PTPRK: variants seen among roughly 807,000 people sequenced by gnomAD.
PTPRK encodes the protein receptor-type tyrosine-protein phosphatase kappa.
A neutral mutation model predicts 178.0 loss-of-function variants in PTPRK; 75 were observed. The ratio of observed to expected loss-of-function variants is 0.42; its 90% CI spans 0.35 to 0.51. The LOEUF is 0.51. Ranked by LOEUF, PTPRK falls within the 20% of genes least tolerant of loss-of-function variation. PTPRK has a pLI of 0.02. For missense variants in PTPRK, 1,441 were observed against 1,797.8 expected (o/e 0.80, Z 3.59); for synonymous variants, 637 against 620.6 (o/e 1.03, Z -0.39).
intron 1 of PTPRK, among the ~76,000 whole-genome samples, chr6:128,408,401 C>A (rs2326682): frequency 0.97 from 147,556 of 152,180 alleles, 71,671 homozygotes; most frequent in East Asian, 1. Context: ...AACAAACAAA[C>A]AAAAACTACC....
At chr6:128,145,871 T>C (rs1419377226) in intron 7 of PTPRK, among the ~76,000 whole-genome samples, 1 of 152,196 alleles carries the variant, frequency 6.6e-6, no homozygotes, top group African/African-American at 2.4e-5. Context: ...TAACTGATTT[T>C]TATCAAATTA....
intron 1 of PTPRK, among the ~76,000 whole-genome samples, chr6:128,436,777 G>A (rs544647504): frequency 7.2e-5 from 11 of 152,224 alleles, no homozygotes; most frequent in African/African-American, 2.6e-4. Context: ...TTTGCTTTGA[G>A]TTATCTAAAT....
intron 4 of PTPRK, chr6:128,241,391 A>G: frequency 3.0e-5 from 15 of 491,896 alleles, no homozygotes; most frequent in South Asian, 2.3e-4. Context: ...GGGAAGAGCC[A>G]AGCAATCTGT....
chr6:128,154,781 T>C (rs1797740811), intron 7 of PTPRK, among the ~76,000 whole-genome samples: 1 of 151,792 alleles, frequency 6.6e-6, no homozygotes, highest in African/African-American at 2.4e-5. Flanking sequence ...TGATGAAAGA[T>C]GAAAATACAG....
At position 127,982,861 on chromosome 6, in the gene PTPRK, A is replaced by C. The variant is rs773771131; in HGVS notation, c.3507T>G (p.Thr1169=). The C allele has an allele frequency of 1.3e-5, 21 of 1,610,634 alleles. No individual in the cohort carries two copies. In the Admixed American group the frequency reaches 3.2e-4, roughly 25 times the overall value. The change falls in exon 24 of 30, where the codon ACT becomes ACG. Residue 1169 remains threonine (T), a synonymous_variant. Coordinates refer to ENST00000368226, the MANE Select transcript of PTPRK (RefSeq NM_002844.4). ...YFDMIRIDSQ[T]NSSHLKDEFQ... is the part of the protein sequence containing the mutation. ...ATTCATCCTTGAGATGTGAAGAGTTAGTCTGGGAGTCTATTCTAATCATAT... is the reference window on the plus strand; with the variant it reads ...ATTCATCCTTGAGATGTGAAGAGTTCGTCTGGGAGTCTATTCTAATCATAT...
intron 13 of PTPRK, among the ~76,000 whole-genome samples, chr6:128,026,936 G>A (rs1030885449): frequency 2.6e-5 from 4 of 152,040 alleles, no homozygotes; most frequent in African/African-American, 9.7e-5. Context: ...AGTCTAGTAG[G>A]GGAGGTAGGC....
At chr6:128,025,085 G>T (rs1312682384) in intron 13 of PTPRK, among the ~76,000 whole-genome samples, 1 of 152,172 alleles carries the variant, frequency 6.6e-6, no homozygotes, top group African/African-American at 2.4e-5. Context: ...GAAAGAATTT[G>T]CCAGTCCTTT....
chr6:128,288,229 T>A (rs963453938), intron 3 of PTPRK, among the ~76,000 whole-genome samples: 2 of 152,208 alleles, frequency 1.3e-5, no homozygotes, highest in Non-Finnish European at 2.9e-5. Flanking sequence ...ATTTCTTTCA[T>A]AAATATGGAT....
intron 3 of PTPRK, among the ~76,000 whole-genome samples, chr6:128,280,935 T>TA (rs1332949329): frequency 5.3e-5 from 8 of 152,108 alleles, no homozygotes; most frequent in Admixed American, 1.3e-4. Context: ...TAATTATTTT[T>TA]AAAAAAATAA....
chr6:128,201,819 CTT>C (rs1348646696), intron 6 of PTPRK, among the ~76,000 whole-genome samples: 4 of 152,004 alleles, frequency 2.6e-5, no homozygotes, highest in Non-Finnish European at 4.4e-5. Context: ...AGTCAAGCAA[CTT>C]AAAGGAAATG....
intron 7 of PTPRK, among the ~76,000 whole-genome samples, chr6:128,171,637 C>A (rs904143383): frequency 1.3e-5 from 2 of 151,976 alleles, no homozygotes; most frequent in Admixed American, 6.6e-5. Flanking sequence ...AATAAGGGAG[C>A]AGCTCTGTTT....
At chr6:128,317,317 C>T (rs1243476756) in intron 3 of PTPRK, among the ~76,000 whole-genome samples, 1 of 152,096 alleles carries the variant, frequency 6.6e-6, no homozygotes, top group South Asian at 2.1e-4. Flanking sequence ...ATGAAAGTAT[C>T]CAGCCTAGTA....
At chr6:128,026,816 T>C (rs1021698474) in intron 13 of PTPRK, among the ~76,000 whole-genome samples, 5 of 152,212 alleles carry the variant, frequency 3.3e-5, no homozygotes, top group African/African-American at 1.2e-4. Context: ...GACCCAACAC[T>C]CCAACCAGTG....
chr6:128,442,870 T>A (rs1340460193), intron 1 of PTPRK, among the ~76,000 whole-genome samples: 1 of 152,138 alleles, frequency 6.6e-6, no homozygotes, highest in Admixed American at 6.5e-5. Flanking sequence ...TAATACAGTA[T>A]CAGTTAAAGA....
Position 128,435,090 on chromosome 6 carries a change from AAGGAAGGAAGGAAGGAAGGCAGGAAGGC to A in PTPRK, c.101-37430_101-37403del, listed in dbSNP as rs1369846490. ...GAAGGAAGGAAGGAAGGAAGGAAGG[AAGGAAGGAAGGAAGGAAGGCAGGAAGGC>A]AGGCAGGAAGGCAGGCAGGCAGGCA... On this transcript the variant is annotated intron_variant, in intron 1 of 29. Transcript: ENST00000368226. Among the ~76,000 whole-genome samples the A allele has an allele frequency of 5.5e-3, 595 of 107,526 alleles. 25 individuals are homozygous for A. The highest frequency in any genetic ancestry group is 0.027 in the African/African-American group (536 of 19,832). The allele number at this position is 107,526 out of a possible 152,430, so 70.5% of individuals were successfully genotyped here.
At chr6:128,344,514 C>G (rs777459019) in intron 2 of PTPRK, among the ~76,000 whole-genome samples, 2 of 151,934 alleles carry the variant, frequency 1.3e-5, no homozygotes, top group Non-Finnish European at 2.9e-5. Flanking sequence ...TTATCCACCC[C>G]CTCCAATCAC....
chr6:128,433,666 C>T (rs554366312), intron 1 of PTPRK, among the ~76,000 whole-genome samples: 29 of 152,032 alleles, frequency 1.9e-4, no homozygotes, highest in Admixed American at 1.8e-3. Flanking sequence ...CAGGTGCACA[C>T]CATCACACCA....
chr6:128,309,215 A>G (rs1826885351), intron 3 of PTPRK, among the ~76,000 whole-genome samples: 1 of 152,166 alleles, frequency 6.6e-6, no homozygotes, highest in African/African-American at 2.4e-5. Flanking sequence ...GAGACCAACT[A>G]AAAGACATGG....
At chr6:128,419,644 G>A (rs1254810249) in intron 1 of PTPRK, among the ~76,000 whole-genome samples, 1 of 151,790 alleles carries the variant, frequency 6.6e-6, no homozygotes, top group Non-Finnish European at 1.5e-5. Context: ...AAAAAGAAAA[G>A]ACAGAGAATG....
Sources: gnomAD v4.1 joint callset for allele counts (sites outside exome capture counted in the v4.1 genomes callset) on GRCh38, gnomAD v4.1.1 for gene constraint, MANE v1.5 for transcripts, NCBI Gene and HGNC (gene_info 2026-07-23, HGNC 2026-07-21) for gene names.